BFSP2: variants seen among roughly 807,000 people sequenced by gnomAD.
BFSP2 encodes beaded filament structural protein 2.
BFSP2 carries 38 observed loss-of-function variants against 44.9 expected under a neutral mutation model. That is an observed-to-expected ratio of 0.85 (90% CI 0.65 to 1.11). The LOEUF (loss-of-function observed/expected upper bound fraction) is 1.11. Ranked by LOEUF, BFSP2 falls within the 50% of genes least tolerant of loss-of-function variation. The pLI is 0.00. For synonymous variants in BFSP2, 197 were observed against 209.9 expected, an observed-to-expected ratio of 0.94 and a Z score of 0.53; for missense variants, 525 against 533.0, an observed-to-expected ratio of 0.99 and a Z score of 0.15.
At chr3:133,439,056 T>G (rs1237061481) in intron 1 of BFSP2, among the ~76,000 whole-genome samples, 1 of 152,236 alleles carries the variant, frequency 6.6e-6, no homozygotes, top group Non-Finnish European at 1.5e-5. Flanking sequence ...CATCACATAA[T>G]GGAAGTAACT....
chr3:133,463,020 G>C (rs1000827412), intron 4 of BFSP2, among the ~76,000 whole-genome samples: 7 of 152,232 alleles, frequency 4.6e-5, no homozygotes, highest in East Asian at 3.9e-4. Context: ...AAAAACTCTA[G>C]AGCAGAGACC....
At chr3:133,466,327 G>A (rs1011720141) in intron 4 of BFSP2, among the ~76,000 whole-genome samples, 4 of 151,924 alleles carry the variant, frequency 2.6e-5, no homozygotes, top group Non-Finnish European at 2.9e-5. Flanking sequence ...TGCAGGCATC[G>A]TATGTTCAAA....
At chr3:133,429,388 G>T (rs1279996022) in intron 1 of BFSP2, 1 of 152,212 alleles carries the variant, frequency 6.6e-6, no homozygotes. Flanking sequence ...GTGAAGAGGT[G>T]ACACTGCAGT....
chr3:133,404,298 C>A (rs2073385848), intron 1 of BFSP2, among the ~76,000 whole-genome samples: 1 of 152,194 alleles, frequency 6.6e-6, no homozygotes, highest in African/African-American at 2.4e-5. Flanking sequence ...TCCTACCTCC[C>A]TCTGTCTCCC....
intron 1 of BFSP2, among the ~76,000 whole-genome samples, chr3:133,408,241 T>C (rs1285362571): frequency 6.6e-6 from 1 of 152,132 alleles, no homozygotes; most frequent in Non-Finnish European, 1.5e-5. Flanking sequence ...ACACAAAAAA[T>C]AGATGAAAAT....
chr3:133,440,727 G>A (rs1334394333), intron 1 of BFSP2, among the ~76,000 whole-genome samples: 1 of 152,144 alleles, frequency 6.6e-6, no homozygotes, highest in Non-Finnish European at 1.5e-5. Context: ...AGGTGATCCT[G>A]TTTGCCCAAC....
intron 4 of BFSP2, among the ~76,000 whole-genome samples, chr3:133,454,783 T>C (rs1173321956): frequency 6.6e-6 from 1 of 152,248 alleles, no homozygotes; most frequent in Non-Finnish European, 1.5e-5. Context: ...GACTCTATTA[T>C]AATAACACTT....
intron 1 of BFSP2, among the ~76,000 whole-genome samples, chr3:133,438,553 GA>G (rs11288059): frequency 0.073 from 11,099 of 152,106 alleles, 606 homozygotes; most frequent in Non-Finnish European, 0.11. Flanking sequence ...AACAAAAAAA[GA>G]AAAAAGAAAA....
intron 1 of BFSP2, among the ~76,000 whole-genome samples, chr3:133,411,426 C>G (rs984216527): frequency 6.6e-6 from 1 of 151,972 alleles, no homozygotes; most frequent in Non-Finnish European, 1.5e-5. Flanking sequence ...AACAATGGCT[C>G]TAGGCAATAA....
chr3:133,406,883 A>G (rs981156187), intron 1 of BFSP2, among the ~76,000 whole-genome samples: 2 of 152,248 alleles, frequency 1.3e-5, no homozygotes, highest in Non-Finnish European at 2.9e-5. Flanking sequence ...AAGATGATTT[A>G]GTGAAGTAGC....
chr3:133,440,587 G>A (rs933971835), intron 1 of BFSP2, among the ~76,000 whole-genome samples: 9 of 152,050 alleles, frequency 5.9e-5, no homozygotes, highest in African/African-American at 1.2e-4. Flanking sequence ...GCAAGCCCTC[G>A]TATTTCTGAG....
intron 4 of BFSP2, among the ~76,000 whole-genome samples, chr3:133,457,954 TG>T (rs2074028719): frequency 6.6e-6 from 1 of 152,256 alleles, no homozygotes; most frequent in Non-Finnish European, 1.5e-5. Context: ...GTCACTAACA[TG>T]GTATACCTCT....
chr3:133,409,025 A>G (rs1316921496), intron 1 of BFSP2, among the ~76,000 whole-genome samples: 2 of 152,258 alleles, frequency 1.3e-5, no homozygotes, highest in African/African-American at 4.8e-5. Context: ...AGAATCAAAA[A>G]TAAAAAGAAA....
chr3:133,441,530 A>T lies in BFSP2; in HGVS notation c.490-5787A>T, dbSNP rs939329139. On this transcript the variant is annotated intron_variant, in intron 1 of 6. Transcript: ENST00000302334. ...GAATTGTTGGTTTTTGACTTGGGGG[A>T]TGAGGAAGAGAGAGATGTTTAAGGT... Among the ~76,000 whole-genome samples the T allele has an allele frequency of 2.6e-5, 4 of 152,154 alleles. No individual in the cohort carries two copies. In the South Asian group the frequency reaches 6.2e-4, roughly 24 times the overall value.
At chr3:133,453,853 T>C (rs1576590368) in intron 4 of BFSP2, among the ~76,000 whole-genome samples, 1 of 152,290 alleles carries the variant, frequency 6.6e-6, no homozygotes, top group Non-Finnish European at 1.5e-5. Context: ...CTTAATAAAA[T>C]AGAGACATAA....
chr3:133,474,350 G>A (rs867891086), intron 6 of BFSP2, among the ~76,000 whole-genome samples: 1 of 152,198 alleles, frequency 6.6e-6, no homozygotes, highest in Non-Finnish European at 1.5e-5. Flanking sequence ...CACACAGGAG[G>A]CGGAGACAGC....
At chr3:133,451,076 A>G in intron 4 of BFSP2, among the ~76,000 whole-genome samples, 1 of 140,040 alleles carries the variant, frequency 7.1e-6, no homozygotes, top group Non-Finnish European at 1.5e-5. Context: ...GGGCCACTGC[A>G]CTCCAGCCTG....
intron 1 of BFSP2, among the ~76,000 whole-genome samples, chr3:133,424,228 T>TGTG (rs1307277640): frequency 1.5e-5 from 2 of 129,326 alleles, no homozygotes; most frequent in South Asian, 2.3e-4. Context: ...TTTTTTTTTT[T>TGTG]TTTTTTTTTT....
At chr3:133,412,923 A>T (rs1185073837) in intron 1 of BFSP2, among the ~76,000 whole-genome samples, 1 of 152,202 alleles carries the variant, frequency 6.6e-6, no homozygotes, top group East Asian at 1.9e-4. Flanking sequence ...CCGCTGTGAG[A>T]AGAGAACCAG....
Sources: gnomAD v4.1 joint callset for allele counts (sites outside exome capture counted in the v4.1 genomes callset) on GRCh38, gnomAD v4.1.1 for gene constraint, MANE v1.5 for transcripts, NCBI Gene and HGNC (gene_info 2026-07-23, HGNC 2026-07-21) for gene names.